Variants in CR1 observed in about 807,000 individuals in gnomAD.
The protein encoded by CR1 is complement C3b/C4b receptor 1 (Knops blood group).
In CR1, 116 loss-of-function variants were observed where a neutral mutation model predicts 187.3. That is an observed-to-expected ratio of 0.62 (90% confidence interval 0.53 to 0.72). The LOEUF (loss-of-function observed/expected upper bound fraction) is 0.72, where lower values mean the gene tolerates loss of function less well. Ranked by LOEUF, CR1 falls within the 30% of genes least tolerant of loss-of-function variation. The pLI is 0.00. For synonymous variants in CR1, 576 were observed against 747.1 expected, an observed-to-expected ratio of 0.77 and a Z score of 3.73; for missense variants, 1,731 against 2,110.7, an observed-to-expected ratio of 0.82 and a Z score of 3.52.
intron 40 of CR1, among the ~76,000 whole-genome samples, chr1:207,615,502 T>C (rs573512406): frequency 1.3e-5 from 2 of 152,316 alleles, no homozygotes; most frequent in East Asian, 3.9e-4. Context: ...AAATAAAATA[T>C]GCCAAAATTC....
Position 207,523,558 on chromosome 1 carries a change from T to C in CR1, c.488-53T>C, listed in dbSNP as rs1660062142. 3.1e-6 allele frequency: 5 copies of C among 1,608,128 alleles called. 1 individual carries two copies. In the Middle Eastern group the frequency reaches 9.5e-4, roughly 307 times the overall value. On this transcript the variant is annotated intron_variant, in intron 4 of 46. Coordinates refer to ENST00000367049, the MANE Select transcript of CR1 (RefSeq NM_000651.6). ...ATAGTTTAGTGACTCATGAGATTTC[T>C]GTCATTCATTATTTAAACTGACTGT...
chr1:207,611,672 C>T lies in CR1; in HGVS notation c.6296-5C>T. ...ACAAGTGCTCTGGAACTGTCCTTTC[C>T]ACAGTGTGTCAGCCGCCTCCAGAAA... is the stretch of plus-strand genomic sequence containing the variant. On this transcript the variant is annotated splice_region_variant and splice_polypyrimidine_tract_variant and intron_variant, in intron 37 of 46. Coordinates refer to ENST00000367049, the MANE Select transcript of CR1 (RefSeq NM_000651.6). 1 of 1,613,630 alleles carries T rather than the reference C, an allele frequency of 6.2e-7. No homozygotes were observed. Among genetic ancestry groups the T allele is most frequent in the Non-Finnish European group, 8.5e-7 (1 of 1,179,644 alleles).
At chr1:207,591,023 T>C (rs1372613011) in intron 35 of CR1, among the ~76,000 whole-genome samples, 3 of 152,182 alleles carry the variant, frequency 2.0e-5, no homozygotes, top group Non-Finnish European at 2.9e-5. Context: ...AACACCCCAC[T>C]GTCAGTATTA....
At chr1:207,616,199 T>C (rs1417940285) in intron 40 of CR1, among the ~76,000 whole-genome samples, 1 of 152,186 alleles carries the variant, frequency 6.6e-6, no homozygotes, top group African/African-American at 2.4e-5. Context: ...AAACTTATGG[T>C]CTCTGATGAC....
chr1:207,592,720 G>A (rs1367684849), intron 35 of CR1, among the ~76,000 whole-genome samples: 2 of 152,116 alleles, frequency 1.3e-5, no homozygotes, highest in South Asian at 2.1e-4. Flanking sequence ...TAAAATATCC[G>A]TAATCTGATA....
chr1:207,583,589 A>G (rs1218705588), intron 32 of CR1, among the ~76,000 whole-genome samples: 2 of 152,176 alleles, frequency 1.3e-5, no homozygotes, highest in Non-Finnish European at 2.9e-5. Flanking sequence ...CAATCAGGGT[A>G]TTGCTTCCCC....
rs1231263803 is a variant in CR1, at chr1:207,580,379, C to T, written c.5076C>T (p.Pro1692=). The part of the protein sequence containing the change: ...LRGAASLHCT[P]QGDWSPEAPR... ...GGGCTGCGTCTCTGCACTGCACACC[C>T]CAGGGAGACTGGAGCCCTGAAGCCC... is the stretch of plus-strand genomic sequence containing the variant. Residue 1692 remains proline, a synonymous_variant, in exon 30 of 47, where the codon CCC becomes CCT. Coordinates refer to ENST00000367049, the MANE Select transcript of CR1 (RefSeq NM_000651.6). The T allele has an allele frequency of 1.2e-6, 2 of 1,613,824 alleles. No homozygotes were observed. The highest frequency in any genetic ancestry group is 3.3e-5 in the Admixed American group (2 of 59,982).
Position 207,618,123 on chromosome 1 carries a change from A to T in CR1, c.6942A>T (p.Val2314=), listed in dbSNP as rs762808807. 2.0e-5 allele frequency: 33 copies of T among 1,613,828 alleles called. No individual in the cohort carries two copies. Among genetic ancestry groups the T allele is most frequent in the Non-Finnish European group, 2.5e-5 (30 of 1,179,874 alleles). The change falls in exon 42 of 47, where the codon GTA becomes GTT. Residue 2314 remains valine (V), a synonymous_variant. Transcript: ENST00000367049. ...ACGGGCATTACATTGGAGGACACGT[A>T]TCTCTATATCTTCCTGGGATGACAA... is the stretch of plus-strand genomic sequence containing the variant. ...IQNGHYIGGH[V]SLYLPGMTIS...
chr1:207,511,069 G>A (rs770964377), intron 3 of CR1, among the ~76,000 whole-genome samples: 5 of 151,926 alleles, frequency 3.3e-5, no homozygotes, highest in Non-Finnish European at 7.4e-5. Flanking sequence ...CAATCCTCTT[G>A]CCTCAGCCCC....
chr1:207,603,526 C>A (rs2102375853), intron 35 of CR1, among the ~76,000 whole-genome samples: 1 of 152,198 alleles, frequency 6.6e-6, no homozygotes. Context: ...CACTTTTTCT[C>A]CAAGTAGTTT....
chr1:207,619,753 A>G (rs928353693), intron 42 of CR1, 127 bp from the exon 43 acceptor site: 1 of 705,466 alleles, frequency 1.4e-6, no homozygotes, highest in East Asian at 2.7e-5. Context: ...GATTAGTAAC[A>G]TGTTTAAAAA....
At position 207,634,703 on chromosome 1, in the gene CR1, CG is replaced by C. The variant is rs1190620537; in HGVS notation, c.7457+4084del. 7.2e-5 allele frequency among the ~76,000 whole-genome samples: 11 copies of C among 152,240 alleles called. No homozygotes were observed. The East Asian group carries it at 1.7e-3, about 24-fold the overall frequency. ...GGCCTTAAAAGGAGACGCTTCAGCA[CG>C]GCTGGGGAAGCACGTGGATACCTTG... On this transcript the variant is annotated intron_variant, in intron 46 of 46. Coordinates refer to ENST00000367049, the MANE Select transcript of CR1 (RefSeq NM_000651.6).
At chr1:207,515,146 C>T (rs547879702) in intron 4 of CR1, among the ~76,000 whole-genome samples, 6 of 112,544 alleles carry the variant, frequency 5.3e-5, no homozygotes, top group Non-Finnish European at 1.1e-4. Context: ...TACGTGTATA[C>T]GTATATATAC....
chr1:207,584,048 G>A (rs114491310), intron 32 of CR1, among the ~76,000 whole-genome samples: 3,267 of 152,022 alleles, frequency 0.021, 65 homozygotes, highest in Non-Finnish European at 0.029. Flanking sequence ...TCAAAAAACC[G>A]TAACATTCTT....
chr1:207,577,048 C>T (rs536208061), intron 28 of CR1, among the ~76,000 whole-genome samples: 4 of 152,010 alleles, frequency 2.6e-5, no homozygotes, highest in African/African-American at 7.2e-5. Context: ...GTCAGGAGTT[C>T]GAGACCAGCC....
chr1:207,520,089 C>T (rs1659927994), intron 4 of CR1, among the ~76,000 whole-genome samples: 1 of 152,178 alleles, frequency 6.6e-6, no homozygotes, highest in Non-Finnish European at 1.5e-5. Flanking sequence ...TATATTTACA[C>T]CTTAGTGAAT....
At chr1:207,565,332 G>A (rs1351586389) in intron 23 of CR1, among the ~76,000 whole-genome samples, 1 of 150,342 alleles carries the variant, frequency 6.7e-6, no homozygotes, top group Non-Finnish European at 1.5e-5. Flanking sequence ...TTACTCTTCA[G>A]CAGCCCAAAC....
At position 207,612,209 on chromosome 1, in the gene CR1, T is replaced by A. The variant is rs2102387994; in HGVS notation, c.6575+168T>A. 2.6e-5 allele frequency among the ~76,000 whole-genome samples: 4 copies of A among 152,322 alleles called. No homozygotes were observed. The Middle Eastern group carries it at 0.014, about 518-fold the overall frequency. On this transcript the variant is annotated intron_variant, in intron 39 of 46. Coordinates refer to ENST00000367049, the MANE Select transcript of CR1 (RefSeq NM_000651.6). ...AAGGGTAGGGACTAAGTGGCACCAC[T>A]TTCAGAAGGCAATGAGAAAATGGCA...
rs531704055 is a variant in CR1, at chr1:207,505,874, C to T, written c.122-30C>T. On this transcript the variant is annotated intron_variant, in intron 1 of 46. Transcript: ENST00000367049. ...AAAAGTATGGTAATTTCTCCATTAACTTTGATGCTTCTATGGTCTTGATCT... is the reference window on the plus strand; with the variant it reads ...AAAAGTATGGTAATTTCTCCATTAATTTTGATGCTTCTATGGTCTTGATCT... 133 of 1,578,920 alleles carry T rather than the reference C, an allele frequency of 8.4e-5. 1 individual carries two copies. In the South Asian group the frequency reaches 1.5e-3, roughly 18 times the overall value.
Sources: gnomAD v4.1 joint callset for allele counts (sites outside exome capture counted in the v4.1 genomes callset) on GRCh38, gnomAD v4.1.1 for gene constraint, MANE v1.5 for transcripts, NCBI Gene and HGNC (gene_info 2026-07-23, HGNC 2026-07-21) for gene names.